Variants in KCNIP4 observed in about 807,000 individuals in gnomAD.
KCNIP4 encodes the protein potassium voltage-gated channel interacting protein 4, also known as Kv channel-interacting protein 4.
In KCNIP4, 12 loss-of-function variants were observed where a neutral mutation model predicts 34.0. The ratio of observed to expected loss-of-function variants is 0.35; its 90% CI spans 0.23 to 0.57. KCNIP4 has a LOEUF of 0.57. Ranked by LOEUF, KCNIP4 falls within the 20% of genes least tolerant of loss-of-function variation. The probability of loss-of-function intolerance (pLI) is 0.83; values close to 1 mark genes in which losing one functional copy is unlikely to be tolerated. For synonymous variants in KCNIP4, 124 were observed against 102.2 expected (o/e 1.21, Z -1.29); for missense variants, 238 against 311.7 (o/e 0.76, Z 1.78).
chr4:20,843,415 C>A (rs1322655737), intron 3 of KCNIP4, among the ~76,000 whole-genome samples: 1 of 152,148 alleles, frequency 6.6e-6, no homozygotes, highest in Non-Finnish European at 1.5e-5. Context: ...AAATGTTTAG[C>A]ATGACATTTT....
intron 1 of KCNIP4, among the ~76,000 whole-genome samples, chr4:21,239,649 TA>T (rs1423910505): frequency 6.6e-6 from 1 of 152,096 alleles, no homozygotes; most frequent in East Asian, 1.9e-4. Context: ...GACCATCAGA[TA>T]AATGCAAATC....
chr4:21,846,407 C>G (rs772386090), intron 1 of KCNIP4: 1 of 152,078 alleles, frequency 6.6e-6, no homozygotes, highest in Non-Finnish European at 1.5e-5. Context: ...AGCTAGACTT[C>G]CTGAGTTCAA....
intron 1 of KCNIP4, among the ~76,000 whole-genome samples, chr4:21,015,506 C>T (rs1003316251): frequency 3.4e-5 from 4 of 117,446 alleles, no homozygotes; most frequent in African/African-American, 1.3e-4. Flanking sequence ...TTATAGATAG[C>T]ACAGATGCAG....
intron 1 of KCNIP4, among the ~76,000 whole-genome samples, chr4:21,932,365 C>T (rs1477950930): frequency 1.3e-5 from 2 of 151,962 alleles, no homozygotes; most frequent in African/African-American, 4.8e-5. Flanking sequence ...CAGTAACTGG[C>T]CTGAAGCCTT....
At chr4:21,099,905 T>A (rs931093588) in intron 1 of KCNIP4, among the ~76,000 whole-genome samples, 3 of 152,118 alleles carry the variant, frequency 2.0e-5, no homozygotes, top group Non-Finnish European at 2.9e-5. Flanking sequence ...ACAAGAGAAC[T>A]AGAATTAGAA....
At chr4:21,380,994 CT>C (rs1429570107) in intron 1 of KCNIP4, among the ~76,000 whole-genome samples, 3 of 152,086 alleles carry the variant, frequency 2.0e-5, no homozygotes, top group African/African-American at 7.2e-5. Context: ...TGCCTCTTTG[CT>C]TTTTTCATCT....
At chr4:21,106,803 T>G (rs1163155204) in intron 1 of KCNIP4, among the ~76,000 whole-genome samples, 6 of 151,712 alleles carry the variant, frequency 4.0e-5, no homozygotes, top group South Asian at 2.1e-4. Flanking sequence ...TTGTGTCTTT[T>G]TTCTCGTTGG....
intron 1 of KCNIP4, among the ~76,000 whole-genome samples, chr4:20,930,911 G>A (rs12649754): frequency 0.14 from 20,465 of 151,528 alleles, 1,944 homozygotes; most frequent in African/African-American, 0.28. Context: ...CACTGTTGGC[G>A]GGAATTTAGA....
chr4:21,018,507 C>T (rs1739751770), intron 1 of KCNIP4, among the ~76,000 whole-genome samples: 1 of 152,120 alleles, frequency 6.6e-6, no homozygotes, highest in African/African-American at 2.4e-5. Flanking sequence ...ATGACTGAAC[C>T]TGTAGAGGAT....
At chr4:21,898,639 C>T (rs1727539618) in intron 1 of KCNIP4, among the ~76,000 whole-genome samples, 1 of 152,170 alleles carries the variant, frequency 6.6e-6, no homozygotes, top group African/African-American at 2.4e-5. Context: ...AGCAATCATA[C>T]CCAGGCAGTA....
chr4:21,879,168 G>A (rs1335009634), intron 1 of KCNIP4, among the ~76,000 whole-genome samples: 1 of 152,006 alleles, frequency 6.6e-6, no homozygotes, highest in Admixed American at 6.6e-5. Context: ...TGTGATCACA[G>A]TCCGCTTTTT....
chr4:21,155,213 A>G (rs942317140), intron 1 of KCNIP4, among the ~76,000 whole-genome samples: 1 of 152,092 alleles, frequency 6.6e-6, no homozygotes, highest in African/African-American at 2.4e-5. Context: ...TTCCTTTATG[A>G]GAGAGAAATT....
At position 21,626,222 on chromosome 4, in the gene KCNIP4, T is replaced by C. The variant is rs192439931; in HGVS notation, c.61+322349A>G. 2.6e-4 allele frequency among the ~76,000 whole-genome samples: 40 copies of C among 152,178 alleles called. 1 individual carries two copies. In the South Asian group the frequency reaches 3.1e-3, roughly 12 times the overall value. ...AGGAAGTTGTTATAGAATGAATGTT[T>C]GTGTTCCTCCTAAAGTCATAGTTTG... On this transcript the variant is annotated intron_variant, in intron 1 of 8. Transcript: ENST00000382152.
intron 1 of KCNIP4, among the ~76,000 whole-genome samples, chr4:21,157,884 C>T (rs1298193174): frequency 6.6e-6 from 1 of 151,572 alleles, no homozygotes; most frequent in East Asian, 1.9e-4. Context: ...ATAAATGAAA[C>T]CAAAATGTAG....
chr4:21,735,607 ATTTGTTTTTGTT>A (rs879277282), intron 1 of KCNIP4, among the ~76,000 whole-genome samples: 1 of 152,112 alleles, frequency 6.6e-6, no homozygotes, highest in African/African-American at 2.4e-5. Context: ...CAAAATAAAG[ATTTGTTTTTGTT>A]TTTGTTTTTG....
chr4:21,044,135 G>A (rs1456132924), intron 1 of KCNIP4, among the ~76,000 whole-genome samples: 1 of 152,012 alleles, frequency 6.6e-6, no homozygotes, highest in Non-Finnish European at 1.5e-5. Context: ...CTCCTGGAAG[G>A]GGCAGTTTCC....
intron 1 of KCNIP4, among the ~76,000 whole-genome samples, chr4:21,186,825 C>G (rs1028556845): frequency 6.6e-6 from 1 of 151,910 alleles, no homozygotes; most frequent in Non-Finnish European, 1.5e-5. Context: ...TTTAAATTTT[C>G]TTTTGTAGAG....
intron 1 of KCNIP4, among the ~76,000 whole-genome samples, chr4:21,688,715 G>A (rs562688000): frequency 6.6e-6 from 1 of 152,142 alleles, no homozygotes; most frequent in South Asian, 2.1e-4. Flanking sequence ...AGGACCCTCT[G>A]TTGGGCTTGG....
intron 1 of KCNIP4, among the ~76,000 whole-genome samples, chr4:21,829,217 C>T (rs1349233531): frequency 6.6e-6 from 1 of 151,910 alleles, no homozygotes; most frequent in Non-Finnish European, 1.5e-5. Flanking sequence ...CAAGAAACTC[C>T]TCTATTTATG....
Sources: allele counts gnomAD v4.1 joint callset (sites outside exome capture counted in the v4.1 genomes callset), GRCh38; gene constraint gnomAD v4.1.1; transcripts MANE v1.5; gene names NCBI Gene and HGNC (gene_info 2026-07-23, HGNC 2026-07-21).